HDX: variants seen among roughly 807,000 people sequenced by gnomAD.
The protein encoded by HDX is chromosome X open reading frame 43.
In HDX, 19 loss-of-function variants were observed where a neutral mutation model predicts 45.2. That is an observed-to-expected ratio of 0.42 (90% CI 0.29 to 0.62). The LOEUF (loss-of-function observed/expected upper bound fraction) is 0.62, where lower values mean the gene tolerates loss of function less well. Ranked by LOEUF, HDX falls within the 20% of genes least tolerant of loss-of-function variation. The probability of loss-of-function intolerance (pLI) is 0.20; values close to 1 mark genes in which losing one functional copy is unlikely to be tolerated. For missense variants in HDX, 532 were observed against 493.9 expected (o/e 1.08, Z -0.73); for synonymous variants, 188 against 172.8 (o/e 1.09, Z -0.69).
intron 5 of HDX, among the ~76,000 whole-genome samples, chrX:84,396,201 T>G (rs951458220): frequency 8.9e-6 from 1 of 112,521 alleles, no homozygotes; most frequent in Admixed American, 9.4e-5. Context: ...TTTTTGAATT[T>G]GTTTTCATAG....
At chrX:84,405,020 G>C (rs1006125791) in intron 5 of HDX, among the ~76,000 whole-genome samples, 3 of 110,848 alleles carry the variant, frequency 2.7e-5, no homozygotes, top group African/African-American at 6.5e-5. Context: ...TACCAGTACT[G>C]ATTTTCCATT....
At chrX:84,499,920 G>C (rs2041084421) in intron 1 of HDX, 1 of 111,880 alleles carries the variant, frequency 8.9e-6, no homozygotes, top group Non-Finnish European at 1.9e-5. Context: ...AAACTATCAG[G>C]AATAATCAAT....
chrX:84,461,321 T>C (rs2040232693), intron 4 of HDX, among the ~76,000 whole-genome samples: 1 of 110,692 alleles, frequency 9.0e-6, no homozygotes, highest in African/African-American at 3.3e-5. Flanking sequence ...CATAAGAACA[T>C]ACACATAGAC....
chrX:84,328,821 T>C (rs1190085042), intron 9 of HDX, among the ~76,000 whole-genome samples: 3 of 111,874 alleles, frequency 2.7e-5, no homozygotes, highest in Non-Finnish European at 5.6e-5. Flanking sequence ...CAAATATGAG[T>C]GACCAATGGC....
At chrX:84,352,927 G>A (rs1395610178) in intron 6 of HDX, among the ~76,000 whole-genome samples, 2 of 110,670 alleles carry the variant, frequency 1.8e-5, no homozygotes, top group East Asian at 5.7e-4. Flanking sequence ...AGTCTCCCTA[G>A]GATGATTTTT....
intron 6 of HDX, 37 bp from the exon 7 acceptor site, chrX:84,344,494 A>C (rs747484353): frequency 2.0e-6 from 2 of 1,009,993 alleles, no homozygotes; most frequent in Non-Finnish European, 2.8e-6. Flanking sequence ...TTTTGTAAAC[A>C]TAGAAAACTT....
At chrX:84,486,860 T>A (rs527466239) in intron 2 of HDX, among the ~76,000 whole-genome samples, 2 of 111,802 alleles carry the variant, frequency 1.8e-5, no homozygotes, top group East Asian at 5.6e-4. Flanking sequence ...TGATATTGAA[T>A]CTGTAAATTT....
chrX:84,332,224 G>T (rs908434610), intron 9 of HDX, among the ~76,000 whole-genome samples: 1 of 110,990 alleles, frequency 9.0e-6, no homozygotes, highest in Non-Finnish European at 1.9e-5. Context: ...ATTACAAAAA[G>T]ATATATTTTC....
At chrX:84,332,586 C>A (rs2036868589) in intron 9 of HDX, among the ~76,000 whole-genome samples, 1 of 110,973 alleles carries the variant, frequency 9.0e-6, no homozygotes, top group African/African-American at 3.3e-5. Context: ...AAGAGGAGCA[C>A]TCTTAACAGC....
intron 5 of HDX, among the ~76,000 whole-genome samples, chrX:84,363,577 A>G (rs1004712202): frequency 6.7e-4 from 75 of 112,213 alleles, no homozygotes; most frequent in African/African-American, 2.4e-3. Context: ...AGCACTAGCA[A>G]TGCTAAAGGC....
In HDX at chrX:84,341,596, T is replaced by C. The variant is rs188380602; in HGVS notation, c.1660+2654A>G. 2.7e-5 allele frequency among the ~76,000 whole-genome samples: 3 copies of C among 111,104 alleles called. No homozygotes were observed. In the East Asian group the frequency reaches 8.6e-4, roughly 32 times the overall value. Reference sequence around the variant, plus strand: ...CTCCCCATGCAGTTAATTGCTTTTTTAAAGAATTTCTAAAACACCAAATTC... The same window carrying C: ...CTCCCCATGCAGTTAATTGCTTTTTCAAAGAATTTCTAAAACACCAAATTC... On this transcript the variant is annotated intron_variant, in intron 7 of 10. Transcript: ENST00000373177.
chrX:84,393,777 T>C (rs1468147308), intron 5 of HDX, among the ~76,000 whole-genome samples: 3 of 110,928 alleles, frequency 2.7e-5, no homozygotes, highest in African/African-American at 9.8e-5. Flanking sequence ...TTTTTTGCAT[T>C]TCATCTGGGT....
intron 1 of HDX, among the ~76,000 whole-genome samples, chrX:84,488,988 T>C (rs2040845511): frequency 9.0e-6 from 1 of 111,400 alleles, no homozygotes; most frequent in African/African-American, 3.3e-5. Flanking sequence ...CTCTCACTCT[T>C]AATTTGCCGG....
chrX:84,431,201 G>A (rs1388850787), intron 5 of HDX, among the ~76,000 whole-genome samples: 2 of 110,034 alleles, frequency 1.8e-5, no homozygotes. Context: ...TTATGGCCAC[G>A]TAGCATTTGA....
chrX:84,325,271 A>G (rs186888168), intron 10 of HDX, among the ~76,000 whole-genome samples: 3 of 111,273 alleles, frequency 2.7e-5, no homozygotes, highest in East Asian at 2.9e-4. Context: ...GAGATGGGCT[A>G]TATACATGCT....
intron 4 of HDX, among the ~76,000 whole-genome samples, chrX:84,457,026 C>G (rs1393029306): frequency 9.0e-6 from 1 of 111,560 alleles, no homozygotes; most frequent in Non-Finnish European, 1.9e-5. Context: ...CCAAATAAAT[C>G]TAATAGTTAT....
intron 7 of HDX, among the ~76,000 whole-genome samples, chrX:84,339,456 A>G (rs1189651616): frequency 1.8e-5 from 2 of 111,403 alleles, no homozygotes; most frequent in African/African-American, 3.3e-5. Flanking sequence ...GTTCTCCTTT[A>G]CTGGCAACAT....
intron 1 of HDX, among the ~76,000 whole-genome samples, chrX:84,496,990 C>T (rs2041014010): frequency 9.0e-6 from 1 of 110,806 alleles, no homozygotes; most frequent in African/African-American, 3.3e-5. Flanking sequence ...ATCATGGGGG[C>T]GGTTTCCCCC....
intron 5 of HDX, among the ~76,000 whole-genome samples, chrX:84,437,333 A>C (rs2039659555): frequency 9.1e-6 from 1 of 110,446 alleles, no homozygotes; most frequent in African/African-American, 3.3e-5. Flanking sequence ...GGACCTTGCT[A>C]TGTTGCCTAG....
Sources: allele counts gnomAD v4.1 joint callset (sites outside exome capture counted in the v4.1 genomes callset), GRCh38; gene constraint gnomAD v4.1.1; transcripts MANE v1.5; gene names NCBI Gene and HGNC (gene_info 2026-07-23, HGNC 2026-07-21).